Variants in AJAP1 observed in about 807,000 individuals in gnomAD.
AJAP1 encodes adherens junction-associated protein 1.
AJAP1 carries 5 observed loss-of-function variants against 35.0 expected under a neutral mutation model. The observed-to-expected ratio is 0.14, with a 90% CI of 0.07 to 0.30. AJAP1 has a LOEUF of 0.30. Ranked by LOEUF, AJAP1 falls within the 10% of genes least tolerant of loss-of-function variation. The pLI is 1.00. For synonymous variants in AJAP1, 284 were observed against 249.3 expected (o/e 1.14, Z -1.31); for missense variants, 586 against 571.0 (o/e 1.03, Z -0.27).
At chr1:4,739,563 T>C (rs1641009409) in intron 2 of AJAP1, among the ~76,000 whole-genome samples, 1 of 152,200 alleles carries the variant, frequency 6.6e-6, no homozygotes, top group Non-Finnish European at 1.5e-5. Flanking sequence ...TCAATTTGCA[T>C]TTCATCTTTT....
chr1:4,705,674 C>T (rs1557617231), intron 1 of AJAP1, among the ~76,000 whole-genome samples: 1 of 151,862 alleles, frequency 6.6e-6, no homozygotes, highest in South Asian at 2.1e-4. Flanking sequence ...GGTCTCATCA[C>T]GGGACACACT....
At position 4,715,917 on chromosome 1, in the gene AJAP1, G is replaced by A. The variant is rs565843731; in HGVS notation, c.829+3218G>A. ...ACACAGCCAGCTTTGCCACATACTG[G>A]GGGGCACCCCAAAATTTGGAATTGG... On this transcript the variant is annotated intron_variant, in intron 2 of 5. Transcript: ENST00000378191. Among the ~76,000 whole-genome samples, 357 of 152,340 alleles carry A rather than the reference G, an allele frequency of 2.3e-3. 1 individual carries two copies. Among genetic ancestry groups the A allele is most frequent in the Non-Finnish European group, 3.8e-3 (258 of 68,030 alleles).
At chr1:4,745,814 G>A (rs1372708634) in intron 2 of AJAP1, among the ~76,000 whole-genome samples, 1 of 152,188 alleles carries the variant, frequency 6.6e-6, no homozygotes, top group Non-Finnish European at 1.5e-5. Flanking sequence ...TCCCTCTGTT[G>A]CTGGGGGCGA....
chr1:4,688,368 A>G (rs1231862815), intron 1 of AJAP1, among the ~76,000 whole-genome samples: 1 of 152,168 alleles, frequency 6.6e-6, no homozygotes, highest in Non-Finnish European at 1.5e-5. Flanking sequence ...AAACATAACT[A>G]TTCCGGTTGA....
Position 4,692,217 on chromosome 1 carries a change from C to T in AJAP1, c.30-19683C>T, listed in dbSNP as rs1390702131. Among the ~76,000 whole-genome samples, 1 of 152,182 alleles carries T rather than the reference C, an allele frequency of 6.6e-6. No homozygotes were observed. Among genetic ancestry groups the T allele is most frequent in the Admixed American group, 6.5e-5 (1 of 15,284 alleles). Reference sequence around the variant, plus strand: ...GCACAGAGGCACTCACTGTGCCAGGCAGGCTCCTGCTGCTGCCTCCCGCCG... The same window carrying T: ...GCACAGAGGCACTCACTGTGCCAGGTAGGCTCCTGCTGCTGCCTCCCGCCG... On this transcript the variant is annotated intron_variant, in intron 1 of 5. Coordinates refer to ENST00000378191, the MANE Select transcript of AJAP1 (RefSeq NM_018836.4). This position sits in a 1 kb window ranked among gnomAD's most constrained non-coding sequence, Gnocchi z 4.4.
rs984520424 is a variant in AJAP1, at chr1:4,782,100, C to T, written c.*60-445C>T. 2.6e-5 allele frequency among the ~76,000 whole-genome samples: 4 copies of T among 152,216 alleles called. No individual in the cohort carries two copies. Among genetic ancestry groups the T allele is most frequent in the Non-Finnish European group, 4.4e-5 (3 of 68,036 alleles). ...ACAGACTCCCATTCTTCCCGCAGCA[C>T]AGGAGTGGAGCAGGCCCCACGCCAC... On this transcript the variant is annotated intron_variant, in intron 5 of 5. Coordinates refer to ENST00000378191, the MANE Select transcript of AJAP1 (RefSeq NM_018836.4). The surrounding 1 kb of genome is among the most constrained non-coding windows in gnomAD (Gnocchi z 5.3).
intron 1 of AJAP1, among the ~76,000 whole-genome samples, chr1:4,711,486 C>T (rs778312213): frequency 6.6e-6 from 1 of 152,242 alleles, no homozygotes; most frequent in African/African-American, 2.4e-5. Context: ...GCCATCCTCT[C>T]ACTTACGTCC....
chr1:4,758,389 TTCATCA>T (rs1476169310), intron 2 of AJAP1, among the ~76,000 whole-genome samples: 3 of 152,148 alleles, frequency 2.0e-5, no homozygotes, highest in Admixed American at 6.5e-5. Flanking sequence ...GAAAAGAGGT[TTCATCA>T]ACTCACAGTT....
At chr1:4,660,534 GTTAAAA>G (rs922459906) in intron 1 of AJAP1, among the ~76,000 whole-genome samples, 3 of 151,972 alleles carry the variant, frequency 2.0e-5, no homozygotes, top group African/African-American at 4.8e-5. Context: ...CAATTCCACA[GTTAAAA>G]TTAAAGGTTT....
At position 4,788,295 on chromosome 1, in the gene AJAP1, T is replaced by A. The variant is rs1172429167; in HGVS notation, c.*5810T>A. The A allele has an allele frequency of 1.3e-5, 2 of 153,934 alleles. No homozygotes were observed. Among genetic ancestry groups the A allele is most frequent in the Admixed American group, 1.3e-4 (2 of 15,396 alleles). 9.5% of individuals were successfully genotyped at this position (153,934 alleles called of 1,614,324 possible). A position where few individuals can be genotyped will look rare whatever the true frequency, so the allele number is the denominator to read the frequency against. On this transcript the variant is annotated 3_prime_UTR_variant, in exon 6 of 6. Transcript: ENST00000378191. ...CTCTGTGTGGTTTTGTGTGTCTAGG[T>A]TTAGAGCTTGTATTTGGATGTAAGG...
chr1:4,764,836 G>C (rs994969633), intron 2 of AJAP1, among the ~76,000 whole-genome samples: 21 of 152,174 alleles, frequency 1.4e-4, no homozygotes, highest in African/African-American at 4.8e-4. Flanking sequence ...TGATGGGTTT[G>C]TTTTTGCCAT....
intron 2 of AJAP1, among the ~76,000 whole-genome samples, chr1:4,717,012 G>A (rs966810274): frequency 6.6e-6 from 1 of 152,198 alleles, no homozygotes; most frequent in African/African-American, 2.4e-5. Flanking sequence ...GAGTGTGACC[G>A]TCAGATGGGT....
chr1:4,730,634 A>C (rs562017867), intron 2 of AJAP1, among the ~76,000 whole-genome samples: 1 of 152,306 alleles, frequency 6.6e-6, no homozygotes, highest in East Asian at 1.9e-4. Flanking sequence ...GTCCACCCCC[A>C]GGCCACCTTT....
At chr1:4,773,499 A>G (rs772195095) in intron 4 of AJAP1, among the ~76,000 whole-genome samples, 2 of 152,218 alleles carry the variant, frequency 1.3e-5, no homozygotes, top group Non-Finnish European at 2.9e-5. Context: ...CTCTTCTTGC[A>G]TGTCCACGTT....
chr1:4,732,793 T>C (rs866109648), intron 2 of AJAP1, among the ~76,000 whole-genome samples: 2 of 152,214 alleles, frequency 1.3e-5, no homozygotes, highest in Admixed American at 6.5e-5. Context: ...CAGGCCTCAG[T>C]CAGTTCTCCA....
intron 2 of AJAP1, among the ~76,000 whole-genome samples, chr1:4,752,480 T>C (rs1012146996): frequency 6.6e-6 from 1 of 152,304 alleles, no homozygotes; most frequent in East Asian, 1.9e-4. Flanking sequence ...ATTCGCAATC[T>C]TACGAGCTAT....
In AJAP1 at chr1:4,711,353, T is replaced by C. The variant is rs141290827; in HGVS notation, c.30-547T>C. On this transcript the variant is annotated intron_variant, in intron 1 of 5. Transcript: ENST00000378191. ...CGCTCACGCTGCGAGGTTTCAAGCT[T>C]GAAACCTCCGCTCCTCCTAGACCTG... Among the ~76,000 whole-genome samples the C allele has an allele frequency of 1.8e-4, 27 of 152,232 alleles. 1 individual carries two copies. The East Asian group carries it at 4.5e-3, about 25-fold the overall frequency.
intron 2 of AJAP1, among the ~76,000 whole-genome samples, chr1:4,757,982 T>C (rs939224262): frequency 1.3e-5 from 2 of 152,082 alleles, no homozygotes; most frequent in Admixed American, 1.3e-4. Context: ...TCATGCTGTT[T>C]CTGTGATAAT....
chr1:4,733,160 G>C (rs991702618), intron 2 of AJAP1, among the ~76,000 whole-genome samples: 11 of 152,068 alleles, frequency 7.2e-5, no homozygotes, highest in Non-Finnish European at 1.5e-4. Flanking sequence ...TCTACTCTTA[G>C]AATTAGGGCT....
Sources: allele counts gnomAD v4.1 joint callset (sites outside exome capture counted in the v4.1 genomes callset), GRCh38; gene constraint gnomAD v4.1.1; non-coding constraint Gnocchi (gnomAD v3.1); transcripts MANE v1.5; gene names NCBI Gene and HGNC (gene_info 2026-07-23, HGNC 2026-07-21).